The following ROBO2 variants were observed in gnomAD, a reference collection of about 807,000 sequenced individuals.
ROBO2 encodes the protein roundabout homolog 2.
Under a neutral mutation model 160.8 loss-of-function variants are expected in ROBO2, and 53 were observed. The observed-to-expected ratio is 0.33, with a 90% CI of 0.26 to 0.41. The LOEUF (loss-of-function observed/expected upper bound fraction) is 0.41, where lower values mean the gene tolerates loss of function less well. Ranked by LOEUF, ROBO2 falls within the 10% of genes least tolerant of loss-of-function variation. ROBO2 has a pLI of 1.00. For missense variants in ROBO2, 1,577 were observed against 1,722.4 expected (o/e 0.92, Z 1.49); for synonymous variants, 664 against 611.7 (o/e 1.09, Z -1.26).
chr3:77,228,302 GA>G (rs1338007808), intron 2 of ROBO2, among the ~76,000 whole-genome samples: 1 of 151,946 alleles, frequency 6.6e-6, no homozygotes, highest in Non-Finnish European at 1.5e-5. Context: ...GAGTAGCTGG[GA>G]CTACAGGCAA....
chr3:77,113,403 CT>C (rs2073874724), intron 2 of ROBO2, among the ~76,000 whole-genome samples: 1 of 152,162 alleles, frequency 6.6e-6, no homozygotes. Context: ...GAAATCCTTC[CT>C]AAGTACTTAT....
chr3:77,072,889 A>G (rs1026577787), intron 1 of ROBO2, among the ~76,000 whole-genome samples: 1 of 152,212 alleles, frequency 6.6e-6, no homozygotes, highest in Non-Finnish European at 1.5e-5. Context: ...TTTACTATAA[A>G]CATACCAAAA....
intron 2 of ROBO2, among the ~76,000 whole-genome samples, chr3:76,838,901 T>G (rs1353121140): frequency 6.6e-6 from 1 of 152,132 alleles, no homozygotes; most frequent in African/African-American, 2.4e-5. Flanking sequence ...TACATGACAT[T>G]CAATCCACAT....
intron 2 of ROBO2, among the ~76,000 whole-genome samples, chr3:76,680,347 C>T (rs1374975944): frequency 1.6e-5 from 2 of 126,408 alleles, no homozygotes; most frequent in East Asian, 5.1e-4. Context: ...TACTTCCTGA[C>T]ATGGATATAT....
chr3:77,150,801 G>A (rs1218199724), intron 2 of ROBO2, among the ~76,000 whole-genome samples: 1 of 151,544 alleles, frequency 6.6e-6, no homozygotes, highest in Non-Finnish European at 1.5e-5. Context: ...ATTTGGTTGT[G>A]TATTATAAAG....
At chr3:76,757,912 C>A (rs562585170) in intron 2 of ROBO2, among the ~76,000 whole-genome samples, 3 of 151,730 alleles carry the variant, frequency 2.0e-5, no homozygotes, top group East Asian at 2.0e-4. Flanking sequence ...TCCTAAAAGG[C>A]ACGATTTGTG....
At chr3:76,449,953 C>G (rs941604180) in intron 2 of ROBO2, among the ~76,000 whole-genome samples, 1 of 152,078 alleles carries the variant, frequency 6.6e-6, no homozygotes, top group Non-Finnish European at 1.5e-5. Context: ...AAGCAATAAA[C>G]AGCTTTACAC....
chr3:75,991,609 G>T (rs957715137), intron 2 of ROBO2, among the ~76,000 whole-genome samples: 6 of 152,050 alleles, frequency 3.9e-5, no homozygotes, highest in African/African-American at 1.2e-4. Context: ...CAGCATGAAA[G>T]CAAACTAATA....
chr3:76,834,037 T>TTTCTTTCTTTCTC (rs1238984751), intron 2 of ROBO2, among the ~76,000 whole-genome samples: 4 of 123,804 alleles, frequency 3.2e-5, no homozygotes, highest in Admixed American at 1.7e-4. Context: ...CTTTCTTTCT[T>TTTCTTTCTTTCTC]TCCTTTCTTT....
At chr3:76,502,480 T>G (rs1560054720) in intron 2 of ROBO2, among the ~76,000 whole-genome samples, 1 of 152,244 alleles carries the variant, frequency 6.6e-6, no homozygotes, top group African/African-American at 2.4e-5. Context: ...TAGCAAGTGC[T>G]CCACTGATAT....
chr3:76,416,432 G>A (rs1266148778), intron 2 of ROBO2, among the ~76,000 whole-genome samples: 1 of 151,790 alleles, frequency 6.6e-6, no homozygotes, highest in Non-Finnish European at 1.5e-5. Flanking sequence ...GTGTGGGGGG[G>A]AAATAATTTA....
intron 2 of ROBO2, among the ~76,000 whole-genome samples, chr3:77,229,979 A>T (rs1238491343): frequency 3.3e-5 from 5 of 152,208 alleles, no homozygotes; most frequent in Admixed American, 3.3e-4. Context: ...AAATTAAAGT[A>T]AACTACTGTT....
chr3:77,616,395 A>C (rs2094777314), intron 21 of ROBO2, among the ~76,000 whole-genome samples: 2 of 152,004 alleles, frequency 1.3e-5, no homozygotes, highest in Admixed American at 6.6e-5. Context: ...TACTAGTTAT[A>C]ATCACTGAAT....
At chr3:76,048,494 T>C (rs1394271657) in intron 2 of ROBO2, among the ~76,000 whole-genome samples, 1 of 152,194 alleles carries the variant, frequency 6.6e-6, no homozygotes, top group Non-Finnish European at 1.5e-5. Flanking sequence ...ATATTTTTAC[T>C]TAATATAGTA....
intron 2 of ROBO2, among the ~76,000 whole-genome samples, chr3:76,967,496 C>T (rs984600271): frequency 1.0e-4 from 15 of 147,618 alleles, no homozygotes; most frequent in Non-Finnish European, 1.6e-4. Flanking sequence ...CATAAGCCAC[C>T]GCACCTGGCC....
chr3:77,268,414 A>T (rs2059273807), intron 2 of ROBO2, among the ~76,000 whole-genome samples: 1 of 152,212 alleles, frequency 6.6e-6, no homozygotes, highest in African/African-American at 2.4e-5. Flanking sequence ...CAGCAGAAAG[A>T]CTTAATGAAA....
At chr3:77,602,595 C>G in intron 20 of ROBO2, 104 bp downstream of exon 21, 1 of 1,340,340 alleles carries the variant, frequency 7.5e-7, no homozygotes, top group South Asian at 1.2e-5. Context: ...ACCAGGTTTA[C>G]TACCTAAACT....
chr3:76,284,834 C>T (rs762679007), intron 2 of ROBO2, among the ~76,000 whole-genome samples: 1 of 152,066 alleles, frequency 6.6e-6, no homozygotes, highest in Admixed American at 6.6e-5. Context: ...CCACCTGCTG[C>T]GATGGTGTTG....
At chr3:75,931,599 G>A (rs1421339395) in intron 1 of ROBO2, among the ~76,000 whole-genome samples, 1 of 152,028 alleles carries the variant, frequency 6.6e-6, no homozygotes, top group Admixed American at 6.6e-5. Flanking sequence ...TGATTCATCC[G>A]CCTTGGCCTC....
Sources: gnomAD v4.1 joint callset for allele counts (sites outside exome capture counted in the v4.1 genomes callset) on GRCh38, gnomAD v4.1.1 for gene constraint, MANE v1.5 for transcripts, NCBI Gene and HGNC (gene_info 2026-07-23, HGNC 2026-07-21) for gene names.